PLEKHG1: variants seen among roughly 807,000 people sequenced by gnomAD.
PLEKHG1 encodes pleckstrin homology domain-containing family G member 1.
A neutral mutation model predicts 100.8 loss-of-function variants in PLEKHG1; 44 were observed. The ratio of observed to expected loss-of-function variants is 0.44; its 90% CI spans 0.34 to 0.56. The LOEUF is 0.56. PLEKHG1 is among the 20% of genes least tolerant of loss of function. The pLI, the probability that PLEKHG1 is intolerant of heterozygous loss-of-function variation, is 0.01. For missense variants in PLEKHG1, 1,545 were observed against 1,720.9 expected, an observed-to-expected ratio of 0.90 and a Z score of 1.81; for synonymous variants, 640 against 662.5, an observed-to-expected ratio of 0.97 and a Z score of 0.52.
chr6:150,778,708 C>T (rs935363762), intron 3 of PLEKHG1, among the ~76,000 whole-genome samples: 3 of 152,168 alleles, frequency 2.0e-5, no homozygotes, highest in Non-Finnish European at 4.4e-5. Context: ...TCTTGCCTGA[C>T]ATCCAGTCTT....
chr6:150,638,321 C>T (rs979144658), intron 2 of PLEKHG1, among the ~76,000 whole-genome samples: 3 of 152,124 alleles, frequency 2.0e-5, no homozygotes, highest in Non-Finnish European at 2.9e-5. Context: ...GCTCTCATGT[C>T]GTTTTTTAAT....
chr6:150,717,522 C>T (rs1781490093), upstream of PLEKHG1, among the ~76,000 whole-genome samples: 1 of 152,136 alleles, frequency 6.6e-6, no homozygotes. Context: ...TCTGGTCTTC[C>T]TTCAATTAGG....
exon 16 of PLEKHG1, chr6:150,839,927 A>G: frequency 2.1e-5 from 34 of 1,613,778 alleles, no homozygotes; most frequent in Non-Finnish European, 2.9e-5. Flanking sequence ...CCAGCCCTCA[A>G]GAATCCTCCC....
intron 15 of PLEKHG1, among the ~76,000 whole-genome samples, chr6:150,835,320 A>C (rs751291530): frequency 6.6e-6 from 1 of 152,166 alleles, no homozygotes; most frequent in Non-Finnish European, 1.5e-5. Flanking sequence ...AGAAAACTCC[A>C]TACAGGCTTG....
At chr6:150,797,087 T>C (rs1411759758) in intron 5 of PLEKHG1, among the ~76,000 whole-genome samples, 2 of 152,030 alleles carry the variant, frequency 1.3e-5, no homozygotes, top group Non-Finnish European at 1.5e-5. Flanking sequence ...ACCTTCTGGT[T>C]CAAGTGATTC....
At chr6:150,781,452 C>A (rs1346290000) in intron 3 of PLEKHG1, among the ~76,000 whole-genome samples, 1 of 151,458 alleles carries the variant, frequency 6.6e-6, no homozygotes, top group African/African-American at 2.4e-5. Context: ...TTGCAGTGAG[C>A]CGAGATCATG....
intron 2 of PLEKHG1, among the ~76,000 whole-genome samples, chr6:150,643,788 T>C (rs1778369440): frequency 6.6e-6 from 1 of 152,208 alleles, no homozygotes; most frequent in African/African-American, 2.4e-5. Flanking sequence ...GTAAAACTCA[T>C]GTATCTACTG....
intron 13 of PLEKHG1, among the ~76,000 whole-genome samples, chr6:150,821,883 C>T (rs1246215220): frequency 1.3e-5 from 2 of 148,932 alleles, no homozygotes; most frequent in Admixed American, 6.7e-5. Flanking sequence ...CTCTTGTTGC[C>T]CAGGCTAGAG....
chr6:150,757,108 G>A (rs551716128), intron 2 of PLEKHG1, among the ~76,000 whole-genome samples: 4 of 152,156 alleles, frequency 2.6e-5, no homozygotes, highest in South Asian at 2.1e-4. Context: ...AGCGATTCTC[G>A]TGTCTCAGCC....
At chr6:150,701,474 C>A (rs1045349033) in intron 3 of PLEKHG1, among the ~76,000 whole-genome samples, 3 of 79,098 alleles carry the variant, frequency 3.8e-5, no homozygotes, top group Non-Finnish European at 7.8e-5. Context: ...TATAATTATA[C>A]TTTAAGTTCT....
chr6:150,743,188 T>A (rs939687352), intron 2 of PLEKHG1, among the ~76,000 whole-genome samples: 1 of 152,202 alleles, frequency 6.6e-6, no homozygotes, highest in Admixed American at 6.5e-5. Flanking sequence ...AAACCTATCA[T>A]TTAGTGATGG....
intron 1 of PLEKHG1, among the ~76,000 whole-genome samples, chr6:150,614,471 T>C (rs1776978337): frequency 6.6e-6 from 1 of 152,198 alleles, no homozygotes; most frequent in African/African-American, 2.4e-5. Context: ...TGTTACACAG[T>C]GCTTGGCCGT....
At chr6:150,703,658 TA>T (rs938906740) in intron 3 of PLEKHG1, among the ~76,000 whole-genome samples, 6 of 150,632 alleles carry the variant, frequency 4.0e-5, no homozygotes, top group African/African-American at 1.0e-4. Context: ...CCTACAGTAT[TA>T]AAAAAAATCA....
intron 4 of PLEKHG1, among the ~76,000 whole-genome samples, chr6:150,789,598 T>G (rs1263811139): frequency 6.6e-6 from 1 of 152,234 alleles, no homozygotes; most frequent in African/African-American, 2.4e-5. Flanking sequence ...GTCACTATAT[T>G]ATGCAATGTC....
chr6:150,821,917 C>T (rs1196870258), intron 13 of PLEKHG1, among the ~76,000 whole-genome samples: 1 of 150,222 alleles, frequency 6.7e-6, no homozygotes, highest in Non-Finnish European at 1.5e-5. Context: ...TCTCGGCTCA[C>T]CTCAACCTCT....
At chr6:150,747,288 T>C (rs1452472254) in intron 2 of PLEKHG1, among the ~76,000 whole-genome samples, 1 of 152,200 alleles carries the variant, frequency 6.6e-6, no homozygotes, top group Admixed American at 6.5e-5. Flanking sequence ...AAGTGTTACT[T>C]GCACCTTCGA....
intron 6 of PLEKHG1, among the ~76,000 whole-genome samples, chr6:150,801,782 GA>G (rs558213408): frequency 3.3e-5 from 5 of 150,252 alleles, no homozygotes; most frequent in African/African-American, 7.3e-5. Context: ...GATGCGAATG[GA>G]AAAAAAAAGT....
upstream of PLEKHG1, among the ~76,000 whole-genome samples, chr6:150,720,540 C>G (rs1423639432): frequency 6.6e-6 from 1 of 152,106 alleles, no homozygotes. Flanking sequence ...CTTTGTTCAC[C>G]TAAAATTCTA....
At chr6:150,804,153 TTTTATATATATATATA>T (rs1316661077) in intron 6 of PLEKHG1, among the ~76,000 whole-genome samples, 14 of 31,794 alleles carry the variant, frequency 4.4e-4, no homozygotes, top group African/African-American at 2.8e-3. Context: ...TGTGTAAATA[TTTTATATATATATATA>T]TATATATTTT....
Sources: allele counts gnomAD v4.1 joint callset (sites outside exome capture counted in the v4.1 genomes callset), GRCh38; gene constraint gnomAD v4.1.1; transcripts MANE v1.5; gene names NCBI Gene and HGNC (gene_info 2026-07-23, HGNC 2026-07-21).